The following BNC2 variants were observed in gnomAD, a reference collection of about 807,000 sequenced individuals.
BNC2 encodes the protein basonuclin zinc finger protein 2.
Under a neutral mutation model 76.3 loss-of-function variants are expected in BNC2, and 20 were observed. The ratio of observed to expected loss-of-function variants is 0.26; its 90% CI spans 0.18 to 0.38. The LOEUF (loss-of-function observed/expected upper bound fraction) is 0.38, where lower values mean the gene tolerates loss of function less well. Ranked by LOEUF, BNC2 falls within the 10% of genes least tolerant of loss-of-function variation. BNC2 has a pLI of 1.00. For synonymous variants in BNC2, 582 were observed against 514.8 expected (o/e 1.13, Z -1.77); for missense variants, 1,382 against 1,399.8 (o/e 0.99, Z 0.20).
rs141737758 is a variant in BNC2, at chr9:16,469,224, T to G, written c.670-31700A>C. On this transcript the variant is annotated intron_variant, in intron 5 of 6. Transcript: ENST00000380672. ...CATGCTCTCAAACAGTACTAATGAT[T>G]TGATATGGTTTGGCTCTGTCCCCAC... 4.9e-3 allele frequency among the ~76,000 whole-genome samples: 741 copies of G among 152,308 alleles called. 7 individuals are homozygous for G. Among genetic ancestry groups the G allele is most frequent in the Non-Finnish European group, 7.5e-3 (509 of 68,026 alleles).
At chr9:16,562,960 T>A (rs555028369) in intron 4 of BNC2, among the ~76,000 whole-genome samples, 1 of 152,358 alleles carries the variant, frequency 6.6e-6, no homozygotes, top group African/African-American at 2.4e-5. Flanking sequence ...TGGACTGTTT[T>A]AGTAATGTAT....
intron 3 of BNC2, among the ~76,000 whole-genome samples, chr9:16,721,418 C>T (rs371812101): frequency 3.7e-4 from 56 of 152,130 alleles, no homozygotes; most frequent in South Asian, 1.0e-3. Context: ...AGATGAAGAT[C>T]GCCCAGCAAA....
chr9:16,577,901 G>GA (rs1019296870), intron 4 of BNC2, among the ~76,000 whole-genome samples: 6 of 150,336 alleles, frequency 4.0e-5, no homozygotes, highest in South Asian at 2.1e-4. Flanking sequence ...TAAAGTCAAA[G>GA]AAAAAAAAAG....
intron 1 of BNC2, among the ~76,000 whole-genome samples, chr9:16,834,119 G>C (rs547063190): frequency 1.3e-5 from 2 of 151,602 alleles, no homozygotes; most frequent in Non-Finnish European, 2.9e-5. Flanking sequence ...TGTATTTTTG[G>C]ATTCTGAGTA....
intron 3 of BNC2, among the ~76,000 whole-genome samples, chr9:16,712,945 GTAGGAACTAAAGAC>G (rs971305111): frequency 6.6e-6 from 1 of 152,144 alleles, no homozygotes; most frequent in Non-Finnish European, 1.5e-5. Context: ...ATTAACTGAG[GTAGGAACTAAAGAC>G]TAGGAGGCTC....
intron 3 of BNC2, among the ~76,000 whole-genome samples, chr9:16,723,228 G>C (rs1952689): frequency 0.42 from 64,310 of 151,974 alleles, 18,342 homozygotes; most frequent in Non-Finnish European, 0.63. Flanking sequence ...GAAAACTGCA[G>C]AAAGCAAGCT....
At chr9:16,856,281 A>T (rs377023967) in intron 1 of BNC2, among the ~76,000 whole-genome samples, 26 of 58,680 alleles carry the variant, frequency 4.4e-4, no homozygotes, top group Non-Finnish European at 6.3e-4. Flanking sequence ...TCTCTCTCAC[A>T]CACACACACA....
chr9:16,834,557 GAA>G (rs1453048624), intron 1 of BNC2, among the ~76,000 whole-genome samples: 1 of 152,148 alleles, frequency 6.6e-6, no homozygotes, highest in Non-Finnish European at 1.5e-5. Context: ...GTAGAAAGAA[GAA>G]AACAATGCTA....
chr9:16,578,424 G>GT (rs1013316976), intron 4 of BNC2, among the ~76,000 whole-genome samples: 10 of 151,748 alleles, frequency 6.6e-5, no homozygotes, highest in South Asian at 4.2e-4. Flanking sequence ...CATGCCTCCT[G>GT]TTTTTTTTCA....
chr9:16,664,726 A>C (rs1050564987), intron 3 of BNC2, among the ~76,000 whole-genome samples: 3 of 151,842 alleles, frequency 2.0e-5, no homozygotes, highest in Non-Finnish European at 4.4e-5. Flanking sequence ...AAAAAAACAA[A>C]AACAAAAAAA....
intron 5 of BNC2, among the ~76,000 whole-genome samples, chr9:16,542,398 G>A (rs190083748): frequency 6.6e-6 from 1 of 152,104 alleles, no homozygotes; most frequent in African/African-American, 2.4e-5. Flanking sequence ...AAGAAGATGG[G>A]GGAGGGGACA....
At chr9:16,650,837 T>C (rs534587216) in intron 3 of BNC2, among the ~76,000 whole-genome samples, 1 of 152,336 alleles carries the variant, frequency 6.6e-6, no homozygotes, top group South Asian at 2.1e-4. Context: ...CTTTCCAAAC[T>C]TTTAGAAAAT....
intron 1 of BNC2, among the ~76,000 whole-genome samples, chr9:16,811,824 C>T (rs1818063542): frequency 6.6e-6 from 1 of 152,188 alleles, no homozygotes; most frequent in Non-Finnish European, 1.5e-5. Context: ...AGCAGTAAAA[C>T]ATTGGTGGGC....
At chr9:16,505,742 T>C (rs969707174) in intron 5 of BNC2, among the ~76,000 whole-genome samples, 10 of 152,148 alleles carry the variant, frequency 6.6e-5, no homozygotes, top group African/African-American at 2.4e-4. Flanking sequence ...CCTAAATTCA[T>C]CCATTAATCA....
intron 1 of BNC2, among the ~76,000 whole-genome samples, chr9:16,784,409 C>G (rs943310162): frequency 6.6e-6 from 1 of 152,022 alleles, no homozygotes; most frequent in African/African-American, 2.4e-5. Flanking sequence ...TACAAATGTA[C>G]AAATAATTGT....
chr9:16,471,763 A>G (rs1821831073), intron 5 of BNC2, among the ~76,000 whole-genome samples: 1 of 152,164 alleles, frequency 6.6e-6, no homozygotes, highest in African/African-American at 2.4e-5. Context: ...TGGAGGGGCC[A>G]GGTGCAGAAT....
intron 4 of BNC2, among the ~76,000 whole-genome samples, chr9:16,553,516 C>T (rs1818728557): frequency 6.6e-6 from 1 of 152,106 alleles, no homozygotes; most frequent in African/African-American, 2.4e-5. Context: ...AATAACAAGT[C>T]ACTTTGTTAA....
intron 3 of BNC2, among the ~76,000 whole-genome samples, chr9:16,725,032 A>G (rs967682212): frequency 6.6e-6 from 1 of 152,170 alleles, no homozygotes; most frequent in East Asian, 1.9e-4. Flanking sequence ...TAAAATAATC[A>G]TAATCTAGAG....
chr9:16,606,536 T>G (rs1211856507), intron 3 of BNC2, among the ~76,000 whole-genome samples: 4 of 152,178 alleles, frequency 2.6e-5, no homozygotes, highest in South Asian at 2.1e-4. Context: ...TAGCTTTTTT[T>G]TTTTTGTGGG....
Sources: gnomAD v4.1 joint callset for allele counts (sites outside exome capture counted in the v4.1 genomes callset) on GRCh38, gnomAD v4.1.1 for gene constraint, MANE v1.5 for transcripts, NCBI Gene and HGNC (gene_info 2026-07-23, HGNC 2026-07-21) for gene names.